The following RBFOX2 variants were observed in gnomAD, a reference collection of about 807,000 sequenced individuals.
The protein encoded by RBFOX2 is RNA binding fox-1 homolog 2.
In RBFOX2, 10 loss-of-function variants were observed where a neutral mutation model predicts 49.1. The ratio of observed to expected loss-of-function variants is 0.20; its 90% CI spans 0.13 to 0.35. The LOEUF is 0.35. RBFOX2 is among the 10% of genes least tolerant of loss of function. The pLI is 1.00. For synonymous variants in RBFOX2, 183 were observed against 187.4 expected (o/e 0.98, Z 0.19); for missense variants, 323 against 486.9 (o/e 0.66, Z 3.17).
intron 1 of RBFOX2, among the ~76,000 whole-genome samples, chr22:35,967,958 C>G (rs1194517613): frequency 6.6e-6 from 1 of 152,116 alleles, no homozygotes; most frequent in Non-Finnish European, 1.5e-5. Context: ...GTCATTCTAG[C>G]TAGAGAACAG....
chr22:35,908,344 G>A (rs753829371), intron 1 of RBFOX2, among the ~76,000 whole-genome samples: 1 of 152,164 alleles, frequency 6.6e-6, no homozygotes, highest in African/African-American at 2.4e-5. Context: ...AGTCAAAAAT[G>A]CATTTAACAC....
At chr22:35,807,148 C>CA (rs1410634468) in intron 2 of RBFOX2, among the ~76,000 whole-genome samples, 1 of 151,874 alleles carries the variant, frequency 6.6e-6, no homozygotes, top group Non-Finnish European at 1.5e-5. Flanking sequence ...ACTTCAGATA[C>CA]AAAGCAGTTG....
chr22:35,795,998 C>T (rs962236466), intron 2 of RBFOX2, among the ~76,000 whole-genome samples: 2 of 152,130 alleles, frequency 1.3e-5, no homozygotes, highest in African/African-American at 4.8e-5. Context: ...AAAAAAACTT[C>T]TTAATTTTTA....
At chr22:35,777,957 C>T (rs993452221) in intron 4 of RBFOX2, 68 bp downstream of exon 5, 1 of 1,419,366 alleles carries the variant, frequency 7.0e-7, no homozygotes, top group Non-Finnish European at 9.8e-7. Context: ...TTTCTGAATA[C>T]TTGCTATTTA....
chr22:35,989,681 T>C (rs1280608205), intron 1 of RBFOX2, among the ~76,000 whole-genome samples: 1 of 152,146 alleles, frequency 6.6e-6, no homozygotes, highest in Non-Finnish European at 1.5e-5. Context: ...ATTTAAAATC[T>C]TGGGAAAAAT....
chr22:35,879,967 C>T (rs187303200), intron 1 of RBFOX2, among the ~76,000 whole-genome samples: 3 of 152,250 alleles, frequency 2.0e-5, no homozygotes, highest in African/African-American at 4.8e-5. Context: ...ACCAGCATGG[C>T]CAACATGGCG....
chr22:36,026,728 T>C (rs1186698194), intron 1 of RBFOX2, among the ~76,000 whole-genome samples: 11 of 152,022 alleles, frequency 7.2e-5, no homozygotes, highest in Non-Finnish European at 1.6e-4. Flanking sequence ...AGAGTTCTAA[T>C]GGAAAATAAA....
At chr22:35,945,827 A>G (rs1026198382) in intron 1 of RBFOX2, among the ~76,000 whole-genome samples, 1 of 152,250 alleles carries the variant, frequency 6.6e-6, no homozygotes, top group Non-Finnish European at 1.5e-5. Flanking sequence ...ATGAAGACTT[A>G]TAAGTGATAC....
At chr22:36,019,198 C>A (rs775514247) in intron 1 of RBFOX2, among the ~76,000 whole-genome samples, 2 of 152,182 alleles carry the variant, frequency 1.3e-5, no homozygotes, top group Non-Finnish European at 2.9e-5. Context: ...AAATCCACAT[C>A]CCCCCTGCAG....
chr22:35,949,048 G>A (rs1481584924), intron 1 of RBFOX2, among the ~76,000 whole-genome samples: 2 of 152,190 alleles, frequency 1.3e-5, no homozygotes, highest in Middle Eastern at 3.4e-3. Context: ...AGTACCTCAC[G>A]TGAATAGTCA....
At chr22:35,965,405 G>A (rs577894709), upstream of RBFOX2, among the ~76,000 whole-genome samples, 18 of 152,122 alleles carry the variant, frequency 1.2e-4, 1 homozygote, top group South Asian at 3.5e-3. Flanking sequence ...AGTAAAAGGG[G>A]GGAAAAAAAT....
intron 4 of RBFOX2, among the ~76,000 whole-genome samples, chr22:35,774,889 GT>G (rs1943520478): frequency 1.3e-5 from 2 of 152,162 alleles, no homozygotes; most frequent in East Asian, 3.9e-4. Context: ...ATTAAACCCT[GT>G]TTTACATTAA....
In RBFOX2 at chr22:35,987,000, G is replaced by A. The variant is rs1984927293; in HGVS notation, c.186+41240C>T. ...ACTGTTACATAAATGACCTAGGGAA[G>A]AAAAAGAAAGGTAAACAGTCCAAAC... On this transcript the variant is annotated intron_variant, in intron 1 of 13. Transcript: ENST00000438146. Among the ~76,000 whole-genome samples, 8 of 150,822 alleles carry A rather than the reference G, an allele frequency of 5.3e-5. 1 individual carries two copies. The South Asian group carries it at 1.7e-3, about 32-fold the overall frequency.
intron 5 of RBFOX2, 94 bp downstream of exon 6, chr22:35,768,163 A>G (rs1366944340): frequency 7.3e-7 from 1 of 1,366,140 alleles, no homozygotes; most frequent in Non-Finnish European, 1.0e-6. Context: ...ACACGCACAC[A>G]TAAGACAGGG....
chr22:35,767,007 A>G (rs1941186039), intron 5 of RBFOX2, among the ~76,000 whole-genome samples: 2 of 152,178 alleles, frequency 1.3e-5, no homozygotes, highest in Admixed American at 1.3e-4. Flanking sequence ...CAGAGCTACA[A>G]ACGGGGGTTT....
chr22:35,917,630 G>A (rs143840500), intron 1 of RBFOX2, among the ~76,000 whole-genome samples: 1 of 152,080 alleles, frequency 6.6e-6, no homozygotes, highest in Non-Finnish European at 1.5e-5. Context: ...TTATAATCAC[G>A]TAGTCATGAA....
chr22:35,841,112 C>T (rs547495730), upstream of RBFOX2, among the ~76,000 whole-genome samples: 26 of 152,302 alleles, frequency 1.7e-4, no homozygotes, highest in African/African-American at 5.8e-4. Context: ...AATATGACTG[C>T]TTAAGAAACT....
intron 1 of RBFOX2, among the ~76,000 whole-genome samples, chr22:35,988,633 A>G (rs2057828877): frequency 6.6e-6 from 1 of 152,124 alleles, no homozygotes; most frequent in Admixed American, 6.5e-5. Flanking sequence ...GCTGCATGGT[A>G]TATGCATGAG....
At chr22:36,001,364 A>G (rs948610419) in intron 1 of RBFOX2, among the ~76,000 whole-genome samples, 1 of 152,210 alleles carries the variant, frequency 6.6e-6, no homozygotes, top group African/African-American at 2.4e-5. Context: ...AAGTTCCTAC[A>G]TATCAATAAG....
Sources: allele counts gnomAD v4.1 joint callset (sites outside exome capture counted in the v4.1 genomes callset), GRCh38; gene constraint gnomAD v4.1.1; transcripts MANE v1.5; gene names NCBI Gene and HGNC (gene_info 2026-07-23, HGNC 2026-07-21).